The following SMAP1 variants were observed in gnomAD, a reference collection of about 807,000 sequenced individuals.
SMAP1 encodes small ArfGAP 1, also known as stromal membrane-associated protein 1.
In SMAP1, 24 loss-of-function variants were observed where a neutral mutation model predicts 58.5. That is an observed-to-expected ratio of 0.41 (90% CI 0.30 to 0.58). SMAP1 has a LOEUF of 0.58. Among genes scored for constraint, SMAP1 ranks in the 20% least tolerant of loss-of-function variants. SMAP1 has a pLI of 0.29. For synonymous variants in SMAP1, 216 were observed against 196.6 expected (o/e 1.10, Z -0.82); for missense variants, 563 against 566.3 (o/e 0.99, Z 0.06).
At chr6:70,727,049 G>T (rs936240237) in intron 1 of SMAP1, among the ~76,000 whole-genome samples, 2 of 151,928 alleles carry the variant, frequency 1.3e-5, no homozygotes, top group Non-Finnish European at 2.9e-5. Context: ...TACCAAGAAT[G>T]TACCTTGTTC....
chr6:70,854,146 C>T (rs1472341539), intron 8 of SMAP1, among the ~76,000 whole-genome samples: 1 of 152,180 alleles, frequency 6.6e-6, no homozygotes, highest in Admixed American at 6.5e-5. Flanking sequence ...GGCCTTCAGA[C>T]TTTAGGCATT....
chr6:70,859,692 T>C (rs1401045468), intron 10 of SMAP1: 6 of 224,234 alleles, frequency 2.7e-5, no homozygotes, highest in Non-Finnish European at 5.2e-5. Context: ...TGTAATCTTA[T>C]GCTTTATTGC....
At chr6:70,684,411 A>G (rs1766849815) in intron 1 of SMAP1, among the ~76,000 whole-genome samples, 1 of 152,196 alleles carries the variant, frequency 6.6e-6, no homozygotes, top group African/African-American at 2.4e-5. Flanking sequence ...AAGGATCCTA[A>G]GTCACCTGGG....
At chr6:70,800,201 T>G (rs1768784171) in intron 6 of SMAP1, among the ~76,000 whole-genome samples, 3 of 152,082 alleles carry the variant, frequency 2.0e-5, no homozygotes, top group Non-Finnish European at 2.9e-5. Flanking sequence ...GAGGATCACT[T>G]GAACCCAGGA....
chr6:70,676,461 G>A (rs915465639), intron 1 of SMAP1, among the ~76,000 whole-genome samples: 2 of 152,124 alleles, frequency 1.3e-5, no homozygotes, highest in African/African-American at 2.4e-5. Context: ...AGATGAGATA[G>A]GGGTGGGAAT....
At chr6:70,841,272 G>A (rs1048918979) in intron 7 of SMAP1, among the ~76,000 whole-genome samples, 1 of 152,156 alleles carries the variant, frequency 6.6e-6, no homozygotes, top group Admixed American at 6.5e-5. Context: ...TTCCTGCAGG[G>A]GTTCTGTTTT....
At position 70,857,918 on chromosome 6, in the gene SMAP1, G is replaced by C; in HGVS notation, c.962-4G>C. On this transcript the variant is annotated splice_polypyrimidine_tract_variant and splice_region_variant and intron_variant, in intron 9 of 10. Coordinates refer to ENST00000370455, the MANE Select transcript of SMAP1 (RefSeq NM_001044305.3). ...TCTTCATTCATTTTCTTTTTGTGGT[G>C]CAGGTGTATTTATGGGACCCACAAA... 1.2e-6 allele frequency: 2 copies of C among 1,613,020 alleles called. No homozygotes were observed. Among genetic ancestry groups the C allele is most frequent in the Non-Finnish European group, 8.5e-7 (1 of 1,179,314 alleles).
At chr6:70,679,914 C>T (rs1766631986) in intron 1 of SMAP1, among the ~76,000 whole-genome samples, 1 of 152,126 alleles carries the variant, frequency 6.6e-6, no homozygotes, top group Admixed American at 6.5e-5. Context: ...TGCAAGGGAC[C>T]TTCCAAAATC....
At chr6:70,855,209 C>T (rs541088125) in intron 8 of SMAP1, among the ~76,000 whole-genome samples, 26 of 152,246 alleles carry the variant, frequency 1.7e-4, no homozygotes, top group Middle Eastern at 6.8e-3. Context: ...AGATGCTCTG[C>T]AGCTTCCTGA....
intron 1 of SMAP1, among the ~76,000 whole-genome samples, chr6:70,728,122 T>A (rs1403487956): frequency 6.6e-6 from 1 of 152,188 alleles, no homozygotes; most frequent in Non-Finnish European, 1.5e-5. Context: ...CACATTGGTC[T>A]GGACATGAAC....
intron 3 of SMAP1, among the ~76,000 whole-genome samples, chr6:70,771,410 G>A (rs879101053): frequency 1.3e-5 from 2 of 152,242 alleles, no homozygotes; most frequent in African/African-American, 4.8e-5. Flanking sequence ...CCACCCAGTT[G>A]GAGCTTCCAG....
chr6:70,795,578 T>G (rs1768570856), intron 5 of SMAP1, among the ~76,000 whole-genome samples: 3 of 152,208 alleles, frequency 2.0e-5, no homozygotes, highest in Admixed American at 2.0e-4. Context: ...TTCATCCTCA[T>G]GACTTAATCA....
At chr6:70,682,193 T>TG (rs1311801013) in intron 1 of SMAP1, among the ~76,000 whole-genome samples, 44 of 75,836 alleles carry the variant, frequency 5.8e-4, no homozygotes, top group Non-Finnish European at 9.2e-4. Flanking sequence ...TTTTTTTTTT[T>TG]TTTTTTTTTT....
intron 1 of SMAP1, among the ~76,000 whole-genome samples, chr6:70,701,416 G>A (rs1273214769): frequency 1.3e-5 from 2 of 152,176 alleles, no homozygotes; most frequent in Non-Finnish European, 2.9e-5. Context: ...TGCAAGCCCA[G>A]CACAGCACCG....
chr6:70,726,121 A>C (rs1768775173), intron 1 of SMAP1, among the ~76,000 whole-genome samples: 1 of 152,168 alleles, frequency 6.6e-6, no homozygotes. Context: ...CAATCTTTAA[A>C]ATGGAGTGGT....
intron 1 of SMAP1, among the ~76,000 whole-genome samples, chr6:70,713,091 C>T (rs913618566): frequency 1.3e-5 from 2 of 152,104 alleles, no homozygotes; most frequent in Non-Finnish European, 2.9e-5. Flanking sequence ...CTGCACCCAT[C>T]CTGTGATTTT....
intron 6 of SMAP1, among the ~76,000 whole-genome samples, chr6:70,809,012 G>A (rs998318295): frequency 6.6e-6 from 1 of 151,182 alleles, no homozygotes; most frequent in African/African-American, 2.4e-5. Context: ...TGTTTTCATT[G>A]GCATAGAGTC....
intron 3 of SMAP1, among the ~76,000 whole-genome samples, chr6:70,770,853 C>T (rs1051321983): frequency 2.4e-4 from 37 of 152,296 alleles, no homozygotes; most frequent in Admixed American, 2.2e-3. Flanking sequence ...AGTTTTTCTG[C>T]TCTGTTTTTT....
At chr6:70,803,819 C>A (rs1185936581) in intron 6 of SMAP1, among the ~76,000 whole-genome samples, 1 of 152,168 alleles carries the variant, frequency 6.6e-6, no homozygotes, top group Non-Finnish European at 1.5e-5. Flanking sequence ...GTTTCTTAAT[C>A]CTGAGTCCTA....
Sources: allele counts gnomAD v4.1 joint callset (sites outside exome capture counted in the v4.1 genomes callset), GRCh38; gene constraint gnomAD v4.1.1; transcripts MANE v1.5; gene names NCBI Gene and HGNC (gene_info 2026-07-23, HGNC 2026-07-21).